TAOK3: variants seen among roughly 807,000 people sequenced by gnomAD.
TAOK3 encodes the protein TAO kinase 3, also known as serine/threonine-protein kinase TAO3.
Under a neutral mutation model 120.4 loss-of-function variants are expected in TAOK3, and 40 were observed. That is an observed-to-expected ratio of 0.33 (90% confidence interval 0.26 to 0.43). The LOEUF (loss-of-function observed/expected upper bound fraction) is 0.43, where lower values mean the gene tolerates loss of function less well. Ranked by LOEUF, TAOK3 falls within the 20% of genes least tolerant of loss-of-function variation. The pLI is 1.00. For missense variants in TAOK3, 821 were observed against 1,112.1 expected, an observed-to-expected ratio of 0.74 and a Z score of 3.72; for synonymous variants, 355 against 387.5, an observed-to-expected ratio of 0.92 and a Z score of 0.99.
chr12:118,366,747 G>A (rs1415984089), intron 1 of TAOK3, among the ~76,000 whole-genome samples: 3 of 152,092 alleles, frequency 2.0e-5, no homozygotes, highest in African/African-American at 4.8e-5. Context: ...TTAAAGTCAC[G>A]TGGACCACAC....
At chr12:118,269,884 T>C (rs531293605) in intron 1 of TAOK3, among the ~76,000 whole-genome samples, 1 of 152,314 alleles carries the variant, frequency 6.6e-6, no homozygotes, top group East Asian at 1.9e-4. Context: ...TAAAGGATAT[T>C]TTCAATTTTC....
rs376763219 is a variant in TAOK3, at chr12:118,189,905, C to A, written c.1231G>T (p.Asp411Tyr). 4.3e-6 allele frequency: 7 copies of A among 1,614,066 alleles called. No homozygotes were observed. In the African/African-American group the frequency reaches 9.3e-5, roughly 22 times the overall value. The change falls in exon 14 of 21, where the codon GAT becomes TAT. Residue 411 changes from aspartate to tyrosine, a missense_variant. By Grantham distance (160) the Asp-to-Tyr change is radical. This residue lies in a region of TAOK3 where 467 missense variants were observed against 540.0 expected (regional missense o/e 0.86). Transcript: ENST00000392533. ...VFIRDEAGHG[D>Y]PRPEPRPTQS... is the part of the protein sequence containing the mutation. ...GTAGGCCGCGGCTCAGGCCTGGGAT[C>A]GCCGTGGCCCGCCTCATCCCTTATG... is the stretch of plus-strand genomic sequence containing the variant.
chr12:118,244,355 A>C (rs903570853), intron 4 of TAOK3, among the ~76,000 whole-genome samples: 7 of 151,952 alleles, frequency 4.6e-5, no homozygotes, highest in Non-Finnish European at 8.8e-5. Flanking sequence ...AAGCCACCTC[A>C]TCCAGCCTGC....
chr12:118,255,745 G>T, intron 2 of TAOK3, 90 bp from the exon 3 acceptor site: 1 of 605,730 alleles, frequency 1.7e-6, no homozygotes, highest in Non-Finnish European at 2.7e-6. Flanking sequence ...AAAGCCTCTT[G>T]GTCTCACAAC....
At chr12:118,295,111 C>T in intron 1 of TAOK3, 1 of 137,080 alleles carries the variant, frequency 7.3e-6, no homozygotes, top group Non-Finnish European at 1.6e-5. Context: ...GGCTGGAGTG[C>T]AGTGGCGCAA....
intron 1 of TAOK3, among the ~76,000 whole-genome samples, chr12:118,356,250 G>T (rs1337122860): frequency 6.7e-6 from 1 of 149,730 alleles, no homozygotes; most frequent in Admixed American, 6.6e-5. Context: ...ATTACTATTT[G>T]ATGGTATTGA....
At chr12:118,183,648 C>T (rs2036903520) in intron 14 of TAOK3, among the ~76,000 whole-genome samples, 3 of 152,068 alleles carry the variant, frequency 2.0e-5, no homozygotes, top group East Asian at 3.9e-4. Flanking sequence ...TGAAGTACAA[C>T]TTTAAGGAAG....
chr12:118,168,988 CCTTCCTTCCTTCCTTTCTTT>C (rs1486461424), intron 17 of TAOK3, among the ~76,000 whole-genome samples: 6 of 78,662 alleles, frequency 7.6e-5, no homozygotes, highest in South Asian at 4.4e-4. Flanking sequence ...TTCCTTCCTT[CCTTCCTTCCTTCCTTTCTTT>C]CTTTCTTTCT....
chr12:118,156,603 C>A (rs1445006590), intron 19 of TAOK3, among the ~76,000 whole-genome samples: 5 of 152,218 alleles, frequency 3.3e-5, no homozygotes, highest in Non-Finnish European at 5.9e-5. Context: ...CCAGAGACAT[C>A]CTCCTCTGGA....
intron 19 of TAOK3, chr12:118,159,825 C>T (rs554827858): frequency 8.5e-5 from 30 of 351,172 alleles, no homozygotes; most frequent in South Asian, 3.9e-4. Context: ...ATATTAGTTG[C>T]GGGGAGGGCA....
intron 1 of TAOK3, among the ~76,000 whole-genome samples, chr12:118,278,193 T>C (rs967219328): frequency 1.3e-5 from 2 of 152,174 alleles, no homozygotes; most frequent in South Asian, 4.1e-4. Context: ...AGGTTTGTTA[T>C]ATAGGTACAT....
At chr12:118,227,846 A>T (rs1010723295) in intron 9 of TAOK3, among the ~76,000 whole-genome samples, 1 of 152,078 alleles carries the variant, frequency 6.6e-6, no homozygotes, top group South Asian at 2.1e-4. Flanking sequence ...TCTAAAACTT[A>T]CTCCATACTG....
intron 1 of TAOK3, among the ~76,000 whole-genome samples, chr12:118,306,964 T>A (rs2140789175): frequency 6.6e-6 from 1 of 152,318 alleles, no homozygotes; most frequent in African/African-American, 2.4e-5. Context: ...AATTTTTAAG[T>A]GTTTAATTTT....
At chr12:118,256,825 T>C (rs2041007571) in intron 2 of TAOK3, among the ~76,000 whole-genome samples, 1 of 152,144 alleles carries the variant, frequency 6.6e-6, no homozygotes, top group Non-Finnish European at 1.5e-5. Context: ...GTCCTAAAAT[T>C]GACTGTGGTG....
chr12:118,244,826 C>A, intron 4 of TAOK3, 68 bp downstream of exon 4: 1 of 1,266,580 alleles, frequency 7.9e-7, no homozygotes. Flanking sequence ...CCGCGCCCGG[C>A]CAGAATTTTG....
chr12:118,317,200 T>C (rs1443074912), intron 1 of TAOK3, among the ~76,000 whole-genome samples: 1 of 148,750 alleles, frequency 6.7e-6, no homozygotes, highest in Non-Finnish European at 1.5e-5. Flanking sequence ...GAGGCAGAAG[T>C]TGCAGTGAGC....
At chr12:118,306,876 C>A (rs1273986299) in intron 1 of TAOK3, among the ~76,000 whole-genome samples, 1 of 152,182 alleles carries the variant, frequency 6.6e-6, no homozygotes, top group African/African-American at 2.4e-5. Context: ...ACTTCATTTG[C>A]ACTATCCAAT....
intron 1 of TAOK3, among the ~76,000 whole-genome samples, chr12:118,342,895 T>C (rs2044676252): frequency 7.1e-6 from 1 of 140,766 alleles, no homozygotes; most frequent in Non-Finnish European, 1.5e-5. Context: ...GATCCTGCCA[T>C]TGCACTCCAG....
At chr12:118,245,064 T>G (rs987458132) in intron 3 of TAOK3, 99 bp from the exon 4 acceptor site, 5 of 729,008 alleles carry the variant, frequency 6.9e-6, no homozygotes, top group Non-Finnish European at 1.1e-5. Context: ...ATATATTTAT[T>G]TATTGACAGT....
Sources: allele counts gnomAD v4.1 joint callset (sites outside exome capture counted in the v4.1 genomes callset), GRCh38; gene constraint gnomAD v4.1.1; regional missense constraint gnomAD v4.1.1; transcripts MANE v1.5; gene names NCBI Gene and HGNC (gene_info 2026-07-23, HGNC 2026-07-21).